SBF2: variants seen among roughly 807,000 people sequenced by gnomAD.
The protein encoded by SBF2 is myotubularin-related protein 13.
SBF2 carries 112 observed loss-of-function variants against 225.2 expected under a neutral mutation model. The observed-to-expected ratio is 0.50, with a 90% CI of 0.43 to 0.58. The LOEUF is 0.58. Ranked by LOEUF, SBF2 falls within the 20% of genes least tolerant of loss-of-function variation. The probability of loss-of-function intolerance (pLI) is 0.00; values close to 1 mark genes in which losing one functional copy is unlikely to be tolerated. For missense variants in SBF2, 1,996 were observed against 2,206.2 expected, an observed-to-expected ratio of 0.90 and a Z score of 1.91; for synonymous variants, 763 against 773.3, an observed-to-expected ratio of 0.99 and a Z score of 0.22.
chr11:10,260,920 A>C (rs1248086731), intron 1 of SBF2, among the ~76,000 whole-genome samples: 1 of 151,622 alleles, frequency 6.6e-6, no homozygotes, highest in East Asian at 1.9e-4. Context: ...GGAGAGAGGG[A>C]GAAAAGAAAA....
At chr11:10,291,364 C>T (rs1964146644) in intron 1 of SBF2, among the ~76,000 whole-genome samples, 1 of 152,112 alleles carries the variant, frequency 6.6e-6, no homozygotes, top group Non-Finnish European at 1.5e-5. Flanking sequence ...ATGTCCTCAC[C>T]AGACACTGAA....
intron 1 of SBF2, among the ~76,000 whole-genome samples, chr11:10,207,372 A>G (rs1957785558): frequency 6.6e-6 from 1 of 152,158 alleles, no homozygotes; most frequent in Non-Finnish European, 1.5e-5. Context: ...TTACAAAAGA[A>G]GCAATACCGG....
At chr11:10,218,776 C>T (rs1008258165) in intron 1 of SBF2, among the ~76,000 whole-genome samples, 2 of 152,226 alleles carry the variant, frequency 1.3e-5, no homozygotes, top group Non-Finnish European at 2.9e-5. Context: ...CCATGCAAGT[C>T]TGACATCCAA....
chr11:9,815,542 A>C (rs567883499), intron 29 of SBF2, among the ~76,000 whole-genome samples: 26 of 152,108 alleles, frequency 1.7e-4, no homozygotes, highest in Non-Finnish European at 3.1e-4. Flanking sequence ...GGAAGGAAAA[A>C]GGCAGCATCC....
chr11:9,966,300 G>A (rs1029716504), intron 14 of SBF2, among the ~76,000 whole-genome samples: 25 of 152,142 alleles, frequency 1.6e-4, no homozygotes, highest in African/African-American at 6.0e-4. Context: ...GTGTTGGCCA[G>A]GCTGGTCTTG....
intron 13 of SBF2, among the ~76,000 whole-genome samples, chr11:9,978,986 G>C (rs951506063): frequency 1.3e-5 from 2 of 152,220 alleles, no homozygotes; most frequent in African/African-American, 4.8e-5. Context: ...GCAACAGAGT[G>C]AGATCTTGTC....
intron 16 of SBF2, among the ~76,000 whole-genome samples, chr11:9,900,050 A>G (rs1343792288): frequency 6.6e-6 from 1 of 151,334 alleles, no homozygotes; most frequent in Non-Finnish European, 1.5e-5. Flanking sequence ...TTTTTAAAAA[A>G]AAAAAACAGG....
At chr11:10,084,719 T>A (rs1365354093) in intron 2 of SBF2, among the ~76,000 whole-genome samples, 11 of 152,170 alleles carry the variant, frequency 7.2e-5, no homozygotes, top group African/African-American at 1.2e-4. Context: ...AAAGAAAATG[T>A]GGTAGGTATA....
At chr11:10,276,430 A>G (rs1356115903) in intron 1 of SBF2, among the ~76,000 whole-genome samples, 1 of 152,206 alleles carries the variant, frequency 6.6e-6, no homozygotes, top group African/African-American at 2.4e-5. Flanking sequence ...CTGCTCTAAT[A>G]TAATCTTCAT....
Position 10,193,933 on chromosome 11 carries a change from T to C in SBF2, c.110A>G (p.Asp37Gly). ...AATTCCCTGTGGAAAAGGTGTATCA[T>C]CCCAGTCCTTCTGTGGAAATCTCTG... is the stretch of plus-strand genomic sequence containing the variant. The part of the protein sequence containing the change: ...IIQRFPQKDW[D>G]DTPFPQGIEL... The change falls in exon 2 of 40, where the codon GAT becomes GGT. Residue 37 changes from aspartate (D) to glycine (G), a missense_variant. Transcript: ENST00000256190. The C allele has an allele frequency of 6.2e-7, 1 of 1,612,842 alleles. No homozygotes were observed. Among genetic ancestry groups the C allele is most frequent in the East Asian group, 2.2e-5 (1 of 44,800 alleles).
At chr11:9,790,854 A>G (rs1402759190) in intron 33 of SBF2, 171 bp from the exon 34 acceptor site, 1 of 544,084 alleles carries the variant, frequency 1.8e-6, no homozygotes, top group Admixed American at 3.3e-5. Flanking sequence ...ACCGGAATGA[A>G]TTTCATCGCT....
chr11:10,086,315 AC>A lies in SBF2; in HGVS notation c.142-43335del, dbSNP rs1366687637. On this transcript the variant is annotated intron_variant, in intron 2 of 39. Coordinates refer to ENST00000256190, the MANE Select transcript of SBF2 (RefSeq NM_030962.4). ...ACTATCATGCCATCCTGATTTGAAG[AC>A]AAGTTTCTAAGTTAGCAGATTTTCA... Among the ~76,000 whole-genome samples the A allele has an allele frequency of 2.0e-4, 31 of 152,184 alleles. 2 individuals carry two copies. Among genetic ancestry groups the A allele is most frequent in the Admixed American group, 1.4e-3 (21 of 15,282 alleles).
At chr11:10,056,551 T>C (rs1449876274) in intron 2 of SBF2, among the ~76,000 whole-genome samples, 1 of 152,238 alleles carries the variant, frequency 6.6e-6, no homozygotes, top group African/African-American at 2.4e-5. Flanking sequence ...TTGGTTGTTG[T>C]TGGTGTATAG....
intron 1 of SBF2, among the ~76,000 whole-genome samples, chr11:10,228,495 C>A (rs4537746): frequency 0.022 from 3,287 of 152,234 alleles, 89 homozygotes; most frequent in African/African-American, 0.065. Flanking sequence ...AGATACGTCC[C>A]ATCAATACCT....
Position 9,839,309 on chromosome 11 carries a change from T to C in SBF2, c.3455+189A>G, listed in dbSNP as rs139097221. On this transcript the variant is annotated intron_variant, in intron 26 of 39. Coordinates refer to ENST00000256190, the MANE Select transcript of SBF2 (RefSeq NM_030962.4). Reference sequence around the variant, plus strand: ...CTTTACCTTTCACCTTCTCACCTACTAGAGGTACTTTCAGTAAGGTAATTG... The same window carrying C: ...CTTTACCTTTCACCTTCTCACCTACCAGAGGTACTTTCAGTAAGGTAATTG... 2.4e-4 allele frequency: 153 copies of C among 645,248 alleles called. 1 individual carries two copies. Among genetic ancestry groups the C allele is most frequent in the Admixed American group, 1.2e-3 (49 of 42,324 alleles). 40.0% of individuals were successfully genotyped at this position (645,248 alleles called of 1,614,324 possible).
chr11:10,076,536 T>C (rs983037861), intron 2 of SBF2, among the ~76,000 whole-genome samples: 4 of 152,166 alleles, frequency 2.6e-5, no homozygotes, highest in Admixed American at 6.5e-5. Context: ...GGGTGTGGCC[T>C]GGGAGCCATG....
rs1028778666 is a variant in SBF2 at position 9,932,505 on chromosome 11, C to T, written c.1860+29452G>A. Among the ~76,000 whole-genome samples, 8 of 152,074 alleles carry T rather than the reference C, an allele frequency of 5.3e-5. No individual in the cohort carries two copies. The South Asian group carries it at 1.0e-3, about 20-fold the overall frequency. ...CCTTCTTAAAGAAAATAATTTTCAA[C>T]CCAGAATTTCATATCCAGCCAAACT... On this transcript the variant is annotated intron_variant, in intron 16 of 39. Coordinates refer to ENST00000256190, the MANE Select transcript of SBF2 (RefSeq NM_030962.4).
chr11:10,145,125 G>C (rs1565282064), intron 2 of SBF2, among the ~76,000 whole-genome samples: 1 of 152,176 alleles, frequency 6.6e-6, no homozygotes, highest in African/African-American at 2.4e-5. Context: ...CAGGGCCTCA[G>C]TTAGGACAAC....
intron 6 of SBF2, chr11:10,017,081 CAA>C (rs1948682155): frequency 6.6e-6 from 1 of 152,100 alleles, no homozygotes; most frequent in Non-Finnish European, 1.5e-5. Flanking sequence ...GTTGATTATT[CAA>C]AGAGTAAAAC....
Sources: allele counts gnomAD v4.1 joint callset (sites outside exome capture counted in the v4.1 genomes callset), GRCh38; gene constraint gnomAD v4.1.1; transcripts MANE v1.5; gene names NCBI Gene and HGNC (gene_info 2026-07-23, HGNC 2026-07-21).